FNDC3B: variants seen among roughly 807,000 people sequenced by gnomAD.
FNDC3B encodes fibronectin type III domain containing 3B.
A neutral mutation model predicts 151.5 loss-of-function variants in FNDC3B; 12 were observed. That is an observed-to-expected ratio of 0.08 (90% confidence interval 0.05 to 0.13). The LOEUF (loss-of-function observed/expected upper bound fraction) is 0.13, where lower values mean the gene tolerates loss of function less well. Ranked by LOEUF, FNDC3B falls within the 10% of genes least tolerant of loss-of-function variation. The pLI is 1.00. For missense variants in FNDC3B, 1,214 were observed against 1,505.3 expected (o/e 0.81, Z 3.20); for synonymous variants, 528 against 549.0 (o/e 0.96, Z 0.54).
At chr3:172,065,498 G>C (rs1379583555) in intron 1 of FNDC3B, among the ~76,000 whole-genome samples, 1 of 152,204 alleles carries the variant, frequency 6.6e-6, no homozygotes, top group Non-Finnish European at 1.5e-5. Flanking sequence ...CCGAAGAAAT[G>C]CCGCCTTGTT....
At chr3:172,092,305 C>T (rs1718876576) in intron 1 of FNDC3B, among the ~76,000 whole-genome samples, 1 of 152,144 alleles carries the variant, frequency 6.6e-6, no homozygotes, top group African/African-American at 2.4e-5. Context: ...TCATCAAATG[C>T]CTGAGCCCCT....
intron 5 of FNDC3B, among the ~76,000 whole-genome samples, chr3:172,249,205 G>T (rs566247547): frequency 3.9e-5 from 6 of 152,064 alleles, no homozygotes; most frequent in Non-Finnish European, 7.4e-5. Flanking sequence ...GACATGAAAG[G>T]CCTTGGTGAC....
At chr3:172,262,715 C>G (rs2132165) in intron 6 of FNDC3B, among the ~76,000 whole-genome samples, 23,066 of 150,926 alleles carry the variant, frequency 0.15, 2,301 homozygotes, top group Non-Finnish European at 0.21. Flanking sequence ...CCAGCCTGGA[C>G]AGCATAGCAA....
chr3:172,362,191 A>C (rs1165223628), intron 22 of FNDC3B, among the ~76,000 whole-genome samples: 2 of 152,192 alleles, frequency 1.3e-5, no homozygotes, highest in African/African-American at 4.8e-5. Context: ...AAAGGGAGAC[A>C]TGAAATGTCC....
intron 3 of FNDC3B, among the ~76,000 whole-genome samples, chr3:172,143,851 G>A (rs1721761083): frequency 6.6e-6 from 1 of 152,012 alleles, no homozygotes; most frequent in African/African-American, 2.4e-5. Flanking sequence ...GAAGGTTGCA[G>A]TGAGCCGAGA....
intron 8 of FNDC3B, among the ~76,000 whole-genome samples, chr3:172,296,631 ACT>A (rs1170443897): frequency 2.0e-5 from 3 of 152,064 alleles, no homozygotes; most frequent in African/African-American, 7.2e-5. Context: ...GATATTCCTA[ACT>A]CTGGCTCATC....
rs370435888 is a variant in FNDC3B at position 172,260,839 on chromosome 3, C to G, written c.790+9298C>G. 3.3e-5 allele frequency among the ~76,000 whole-genome samples: 5 copies of G among 152,260 alleles called. 1 individual carries two copies. Among genetic ancestry groups the G allele is most frequent in the African/African-American group, 9.6e-5 (4 of 41,546 alleles). On this transcript the variant is annotated intron_variant, in intron 6 of 25. Transcript: ENST00000415807. ...TCCCTGTCACCTCTCTGGTTGAATT[C>G]TCTGTGTGAGCCCACAGAATGGGGT...
intron 1 of FNDC3B, among the ~76,000 whole-genome samples, chr3:172,100,605 T>C (rs1719333301): frequency 6.6e-6 from 1 of 152,224 alleles, no homozygotes; most frequent in South Asian, 2.1e-4. Context: ...AGTAAATAGA[T>C]ATTCCCTTAC....
intron 3 of FNDC3B, among the ~76,000 whole-genome samples, chr3:172,150,360 A>C (rs1722156482): frequency 6.6e-6 from 1 of 151,852 alleles, no homozygotes; most frequent in African/African-American, 2.4e-5. Context: ...GAATGAAAAA[A>C]CTCTAAAACA....
intron 1 of FNDC3B, among the ~76,000 whole-genome samples, chr3:172,054,306 G>C (rs1402889548): frequency 2.0e-5 from 3 of 152,182 alleles, no homozygotes; most frequent in Non-Finnish European, 4.4e-5. Context: ...GTGACCTCAG[G>C]ATTCAGAGGA....
Position 172,268,658 on chromosome 3 carries a change from G to A in FNDC3B, c.790+17117G>A, listed in dbSNP as rs185998891. 2.6e-5 allele frequency among the ~76,000 whole-genome samples: 4 copies of A among 152,284 alleles called. No homozygotes were observed. In the East Asian group the frequency reaches 5.8e-4, roughly 22 times the overall value. On this transcript the variant is annotated intron_variant, in intron 6 of 25. Coordinates refer to ENST00000415807, the MANE Select transcript of FNDC3B (RefSeq NM_022763.4). The stretch of plus-strand genomic sequence containing the variant: ...TTCAGTTGTATAATCAACTTTCGTG[G>A]TATTGCTAGGACCTTAATAGAGGAG...
chr3:172,148,153 A>T (rs927778094), intron 3 of FNDC3B, among the ~76,000 whole-genome samples: 1 of 152,080 alleles, frequency 6.6e-6, no homozygotes, highest in African/African-American at 2.4e-5. Flanking sequence ...CAGTTTCCCC[A>T]TAATAAGAAT....
At chr3:172,181,411 AAAAC>A (rs1560005207) in intron 3 of FNDC3B, among the ~76,000 whole-genome samples, 27 of 144,684 alleles carry the variant, frequency 1.9e-4, no homozygotes, top group African/African-American at 6.9e-4. Context: ...AAAAAAAAAA[AAAAC>A]AAAAAAAAAC....
chr3:172,193,547 T>C (rs1724671879), intron 3 of FNDC3B, among the ~76,000 whole-genome samples: 1 of 150,784 alleles, frequency 6.6e-6, no homozygotes, highest in Non-Finnish European at 1.5e-5. Flanking sequence ...ATGCTTGGGG[T>C]TAAGGGGTCT....
Position 172,358,271 on chromosome 3 carries a change from CA to C in FNDC3B, c.2796-4361del, listed in dbSNP as rs532074267. Among the ~76,000 whole-genome samples, 87 of 152,346 alleles carry C rather than the reference CA, an allele frequency of 5.7e-4. 1 individual carries two copies. In the East Asian group the frequency reaches 0.016, roughly 28 times the overall value. On this transcript the variant is annotated intron_variant, in intron 22 of 25. Coordinates refer to ENST00000415807, the MANE Select transcript of FNDC3B (RefSeq NM_022763.4). ...AACCTAGCTTTCAACCCCTAGTAGT[CA>C]CTCTGTCATTTAGATCAAGTTATTT... is the stretch of plus-strand genomic sequence containing the variant.
chr3:172,392,810 C>CTTTTTTCT (rs1736080282), intron 25 of FNDC3B, among the ~76,000 whole-genome samples: 2 of 99,874 alleles, frequency 2.0e-5, no homozygotes. Flanking sequence ...TTTTTTTTTT[C>CTTTTTTCT]TTTTTTTTTT....
intron 3 of FNDC3B, among the ~76,000 whole-genome samples, chr3:172,175,455 T>C (rs1304206533): frequency 1.3e-5 from 2 of 152,214 alleles, no homozygotes; most frequent in Non-Finnish European, 2.9e-5. Context: ...GTTTTCTTTT[T>C]TGTTCTCAAC....
At chr3:172,380,583 C>T (rs1041782360) in intron 24 of FNDC3B, among the ~76,000 whole-genome samples, 29 of 152,182 alleles carry the variant, frequency 1.9e-4, no homozygotes, top group African/African-American at 7.0e-4. Flanking sequence ...CTCTCCCCTT[C>T]CTTCAACTAA....
At chr3:172,382,660 G>A (rs1735519693) in intron 25 of FNDC3B, among the ~76,000 whole-genome samples, 2 of 152,128 alleles carry the variant, frequency 1.3e-5, no homozygotes, top group Admixed American at 1.3e-4. Flanking sequence ...GGTAAGGAAG[G>A]GGTCCACTTT....
Sources: allele counts gnomAD v4.1 joint callset (sites outside exome capture counted in the v4.1 genomes callset), GRCh38; gene constraint gnomAD v4.1.1; transcripts MANE v1.5; gene names NCBI Gene and HGNC (gene_info 2026-07-23, HGNC 2026-07-21).